The following CNTNAP5 variants were observed in gnomAD, a reference collection of about 807,000 sequenced individuals.
CNTNAP5 encodes the protein contactin associated protein family member 5, also known as contactin-associated protein-like 5.
A neutral mutation model predicts 150.2 loss-of-function variants in CNTNAP5; 72 were observed. The observed-to-expected ratio is 0.48, with a 90% CI of 0.40 to 0.58. The LOEUF is 0.58. Among genes scored for constraint, CNTNAP5 ranks in the 20% least tolerant of loss-of-function variants. CNTNAP5 has a pLI of 0.00. For synonymous variants in CNTNAP5, 672 were observed against 619.8 expected, an observed-to-expected ratio of 1.08 and a Z score of -1.25; for missense variants, 1,636 against 1,626.2, an observed-to-expected ratio of 1.01 and a Z score of -0.10.
chr2:124,116,762 G>A (rs1222259477), intron 1 of CNTNAP5, among the ~76,000 whole-genome samples: 1 of 152,172 alleles, frequency 6.6e-6, no homozygotes, highest in African/African-American at 2.4e-5. Context: ...CATTAAAGGA[G>A]TGGACATCCT....
chr2:124,788,893 A>C (rs1279578036), intron 17 of CNTNAP5, among the ~76,000 whole-genome samples: 1 of 152,168 alleles, frequency 6.6e-6, no homozygotes, highest in Non-Finnish European at 1.5e-5. Flanking sequence ...TTGGCCTCCC[A>C]AAATGCTAGG....
intron 10 of CNTNAP5, among the ~76,000 whole-genome samples, chr2:124,542,207 C>G (rs553446041): frequency 6.6e-6 from 1 of 150,954 alleles, no homozygotes; most frequent in Non-Finnish European, 1.5e-5. Context: ...GTCTTCTGGC[C>G]TCACCTGTTC....
chr2:124,880,516 A>C lies in CNTNAP5; in HGVS notation c.3436+10754A>C, dbSNP rs1326389620. On this transcript the variant is annotated intron_variant, in intron 21 of 23. Coordinates refer to ENST00000682447, the MANE Select transcript of CNTNAP5 (RefSeq NM_001367498.1). The stretch of plus-strand genomic sequence containing the variant: ...CACTTATTTTCTTACCTTTTTCTTC[A>C]AAATGATTCCATAGAATATAAGCCT... Among the ~76,000 whole-genome samples, 4 of 152,122 alleles carry C rather than the reference A, an allele frequency of 2.6e-5. No homozygotes were observed. In the East Asian group the frequency reaches 5.8e-4, roughly 22 times the overall value.
chr2:124,602,369 G>A (rs6715188), intron 11 of CNTNAP5, among the ~76,000 whole-genome samples: 145,439 of 147,514 alleles, frequency 0.99, 71,737 homozygotes, highest in East Asian at 1. Context: ...AAGAATAAAG[G>A]CAATATCATG....
chr2:124,237,281 T>C (rs2104760836), intron 2 of CNTNAP5, among the ~76,000 whole-genome samples: 1 of 152,310 alleles, frequency 6.6e-6, no homozygotes, highest in South Asian at 2.1e-4. Context: ...CAGAGACTAG[T>C]ATATAATCCA....
intron 21 of CNTNAP5, among the ~76,000 whole-genome samples, chr2:124,876,570 A>G (rs936943952): frequency 6.6e-6 from 1 of 151,956 alleles, no homozygotes; most frequent in Non-Finnish European, 1.5e-5. Context: ...GCGGTATGAA[A>G]AATAATAGTT....
rs1005536072 is a variant in CNTNAP5, at chr2:124,919,610, A to T, written c.*5322A>T. Among the ~76,000 whole-genome samples the T allele has an allele frequency of 6.6e-6, 1 of 151,992 alleles. No homozygotes were observed. Among genetic ancestry groups the T allele is most frequent in the Non-Finnish European group, 1.5e-5 (1 of 67,984 alleles). ...AGCCTTTCCACTTTCATGGCTCCTC[A>T]CTCAGGAGTCTCTTTAGTGCATTTG... On this transcript the variant is annotated 3_prime_UTR_variant, in exon 24 of 24. Transcript: ENST00000682447.
intron 13 of CNTNAP5, among the ~76,000 whole-genome samples, chr2:124,711,597 G>A (rs1303005412): frequency 1.3e-5 from 2 of 152,156 alleles, no homozygotes; most frequent in African/African-American, 4.8e-5. Flanking sequence ...TGAGGCTGAA[G>A]CAGGTGGATC....
At chr2:124,152,414 A>G (rs1684427413) in intron 1 of CNTNAP5, among the ~76,000 whole-genome samples, 1 of 152,244 alleles carries the variant, frequency 6.6e-6, no homozygotes, top group South Asian at 2.1e-4. Flanking sequence ...AGGTTATGCA[A>G]GTAGCCCAAA....
At chr2:124,231,412 C>G (rs1686615985) in intron 2 of CNTNAP5, among the ~76,000 whole-genome samples, 1 of 152,100 alleles carries the variant, frequency 6.6e-6, no homozygotes, top group Admixed American at 6.6e-5. Context: ...AACTACACAG[C>G]TAATTTTGGT....
chr2:124,217,020 T>C (rs890829700), intron 1 of CNTNAP5, among the ~76,000 whole-genome samples: 1 of 152,154 alleles, frequency 6.6e-6, no homozygotes, highest in Non-Finnish European at 1.5e-5. Context: ...TGTAAAAGTG[T>C]TCCTATCAGA....
At chr2:124,521,609 A>G (rs1200247274) in intron 8 of CNTNAP5, among the ~76,000 whole-genome samples, 1 of 152,108 alleles carries the variant, frequency 6.6e-6, no homozygotes, top group Non-Finnish European at 1.5e-5. Context: ...GCCTCTATAA[A>G]TACATTCTTC....
intron 1 of CNTNAP5, among the ~76,000 whole-genome samples, chr2:124,105,793 C>A (rs1258879760): frequency 6.6e-6 from 1 of 151,648 alleles, no homozygotes; most frequent in East Asian, 2.0e-4. Flanking sequence ...TTTAGTTTTA[C>A]CCCACCGTGA....
chr2:124,779,108 G>T (rs1681392915), intron 17 of CNTNAP5, among the ~76,000 whole-genome samples: 1 of 152,200 alleles, frequency 6.6e-6, no homozygotes, highest in Non-Finnish European at 1.5e-5. Flanking sequence ...TTGCTCTGTG[G>T]CTGGGAGTGC....
chr2:124,773,775 G>GTA (rs1158323473), intron 17 of CNTNAP5, among the ~76,000 whole-genome samples: 2 of 152,138 alleles, frequency 1.3e-5, no homozygotes, highest in African/African-American at 4.8e-5. Context: ...GTGTGTGTGT[G>GTA]TGTGTGTGTT....
rs548687680 is a variant in CNTNAP5 at position 124,440,587 on chromosome 2, A to G, written c.733+5900A>G. Among the ~76,000 whole-genome samples, 5 of 152,284 alleles carry G rather than the reference A, an allele frequency of 3.3e-5. No individual in the cohort carries two copies. The South Asian group carries it at 1.0e-3, about 32-fold the overall frequency. The stretch of plus-strand genomic sequence containing the variant: ...AAGAATTGGCATGCTTATCCACAGC[A>G]TCTTGGGGTGGAGGGAGGAGAATAA... On this transcript the variant is annotated intron_variant, in intron 5 of 23. Coordinates refer to ENST00000682447, the MANE Select transcript of CNTNAP5 (RefSeq NM_001367498.1).
intron 1 of CNTNAP5, among the ~76,000 whole-genome samples, chr2:124,114,877 TC>T (rs1683388059): frequency 6.6e-6 from 1 of 151,610 alleles, no homozygotes; most frequent in Non-Finnish European, 1.5e-5. Context: ...AAATGCTTTT[TC>T]TGCATCTAAG....
intron 18 of CNTNAP5, among the ~76,000 whole-genome samples, chr2:124,796,994 G>A (rs1166217286): frequency 6.6e-6 from 1 of 152,184 alleles, no homozygotes; most frequent in Non-Finnish European, 1.5e-5. Flanking sequence ...TGAATATATT[G>A]TATAAAGTCT....
chr2:124,780,580 A>T (rs536165316), intron 17 of CNTNAP5, among the ~76,000 whole-genome samples: 36 of 152,238 alleles, frequency 2.4e-4, no homozygotes, highest in Non-Finnish European at 4.1e-4. Flanking sequence ...TATATGGTTC[A>T]CATACGCCTG....
Sources: gnomAD v4.1 joint callset for allele counts (sites outside exome capture counted in the v4.1 genomes callset) on GRCh38, gnomAD v4.1.1 for gene constraint, MANE v1.5 for transcripts, NCBI Gene and HGNC (gene_info 2026-07-23, HGNC 2026-07-21) for gene names.